BTBD8: variants seen among roughly 807,000 people sequenced by gnomAD.
BTBD8 encodes BTB domain containing 8.
Under a neutral mutation model 162.9 loss-of-function variants are expected in BTBD8, and 110 were observed. That is an observed-to-expected ratio of 0.68 (90% CI 0.58 to 0.79). BTBD8 has a LOEUF of 0.79. BTBD8 is among the 30% of genes least tolerant of loss of function. BTBD8 has a pLI of 0.00. For synonymous variants in BTBD8, 667 were observed against 716.1 expected (o/e 0.93, Z 1.10); for missense variants, 1,905 against 2,085.4 (o/e 0.91, Z 1.68).
At chr1:92,164,570 GA>G (rs1481910244) in intron 9 of BTBD8, among the ~76,000 whole-genome samples, 1 of 151,816 alleles carries the variant, frequency 6.6e-6, no homozygotes, top group Non-Finnish European at 1.5e-5. Flanking sequence ...AGTGAGCCGA[GA>G]TTGCACCACT....
Position 92,184,279 on chromosome 1 carries a change from T to C in BTBD8, c.5328T>C (p.Asp1776=), listed in dbSNP as rs1203630500. Residue 1776 remains aspartate (D), a synonymous_variant, in exon 18 of 18, where the codon GAT becomes GAC. Transcript: ENST00000636805. The part of the protein sequence containing the change: ...SITMASFSSE[D]CSPQGEWTIL... ...CCATGGCTAGTTTTTCCTCTGAAGA[T>C]TGTTCGCCTCAAGGCGAGTGGACAA... 6.4e-7 allele frequency: 1 copy of C among 1,551,596 alleles called. No homozygotes were observed. Among genetic ancestry groups the C allele is most frequent in the Admixed American group, 2.0e-5 (1 of 51,000 alleles).
intron 12 of BTBD8, 117 bp downstream of exon 12, chr1:92,169,112 G>A: frequency 1.0e-6 from 1 of 977,938 alleles, no homozygotes; most frequent in Non-Finnish European, 1.4e-6. Context: ...TTGGATAATA[G>A]GATAACTGAA....
At chr1:92,109,924 C>T (rs1035794110) in intron 4 of BTBD8, among the ~76,000 whole-genome samples, 3 of 152,134 alleles carry the variant, frequency 2.0e-5, no homozygotes, top group African/African-American at 7.2e-5. Context: ...AATACAAGTA[C>T]TTACAAAGGA....
At chr1:92,126,388 T>C (rs1649361143) in intron 4 of BTBD8, 8 of 718,386 alleles carry the variant, frequency 1.1e-5, no homozygotes, top group South Asian at 1.1e-4. Context: ...CAGCCTAGAT[T>C]TGAATGTGCT....
chr1:92,157,661 C>CT (rs201751217), intron 9 of BTBD8, among the ~76,000 whole-genome samples: 1,669 of 144,760 alleles, frequency 0.012, 22 homozygotes, highest in African/African-American at 0.035. Flanking sequence ...TCATCACTGG[C>CT]TTTTTTTTTT....
intron 4 of BTBD8, among the ~76,000 whole-genome samples, chr1:92,123,641 C>G (rs1235593369): frequency 6.6e-6 from 1 of 151,832 alleles, no homozygotes; most frequent in Non-Finnish European, 1.5e-5. Flanking sequence ...CATTATTACA[C>G]TAAATCATCT....
chr1:92,088,706 G>A lies in BTBD8; in HGVS notation c.158G>A (p.Arg53Lys), dbSNP rs1402084132. ...CTTTTTATTCCTTATAGGCTTCTAA[G>A]GGAAGAATTCCATACAGATGTTACC... ...QLSQDLLRLL[R>K]EEFHTDVTFS... The change falls in exon 2 of 18, where the codon AGG becomes AAG. Residue 53 changes from arginine (R) to lysine (K), a missense_variant. Transcript: ENST00000636805. 6.3e-7 allele frequency: 1 copy of A among 1,589,324 alleles called. No homozygotes were observed. The highest frequency in any genetic ancestry group is 8.6e-7 in the Non-Finnish European group (1 of 1,168,848).
At chr1:92,167,780 C>T in intron 10 of BTBD8, 68 bp from the exon 11 acceptor site, 1 of 1,278,688 alleles carries the variant, frequency 7.8e-7, no homozygotes, top group Admixed American at 2.2e-5. Flanking sequence ...ATCTGTTACG[C>T]CAGACTTTCA....
Position 92,166,982 on chromosome 1 carries a change from C to T in BTBD8, c.1147C>T (p.Leu383=), listed in dbSNP as rs1324262918. The T allele has an allele frequency of 2.6e-6, 4 of 1,546,312 alleles. No homozygotes were observed. In the South Asian group the frequency reaches 4.8e-5, roughly 19 times the overall value. ...SLNDKNAAFL[L]MESDRLIISL... ...GAATGATAAGAATGCTGCTTTTCTT[C>T]TGATGGAAAGTGACAGGCTAATCAT... The change falls in exon 10 of 18, where the codon CTG becomes TTG. Residue 383 remains leucine (L), a synonymous_variant. Coordinates refer to ENST00000636805, the MANE Select transcript of BTBD8 (RefSeq NM_001376131.1).
intron 4 of BTBD8, among the ~76,000 whole-genome samples, chr1:92,116,913 G>A (rs1457707891): frequency 2.0e-5 from 3 of 149,924 alleles, no homozygotes; most frequent in Admixed American, 1.3e-4. Flanking sequence ...GCAGTGATAC[G>A]ATCATAGCTT....
chr1:92,173,140 G>C (rs1650601068), intron 13 of BTBD8, among the ~76,000 whole-genome samples: 1 of 152,146 alleles, frequency 6.6e-6, no homozygotes, highest in Non-Finnish European at 1.5e-5. Context: ...GTTCAGGCTG[G>C]TCTCGAACTC....
At position 92,141,120 on chromosome 1, in the gene BTBD8, TACTC is replaced by T. The variant is rs762935549; in HGVS notation, c.841_844del (p.Leu281IlefsTer8). On this transcript the variant is annotated frameshift_variant, in exon 7 of 18. Coordinates refer to ENST00000636805, the MANE Select transcript of BTBD8 (RefSeq NM_001376131.1). LOFTEE classifies it high-confidence loss of function. The stretch of plus-strand genomic sequence containing the variant: ...TGCATCTATTTTTATTTTAGTCAGA[TACTC>T]AATATGGCTGATATGTATGGACTAG... The T allele has an allele frequency of 1.6e-5, 25 of 1,549,022 alleles. No individual in the cohort carries two copies. The highest frequency in any genetic ancestry group is 3.4e-4 in the Middle Eastern group (2 of 5,822).
At position 92,176,874 on chromosome 1, in the gene BTBD8, TGGAG is replaced by T. The variant is rs1029511020; in HGVS notation, c.1684_1687del (p.Arg562GlufsTer17). 2.0e-6 allele frequency: 3 copies of T among 1,479,182 alleles called. No homozygotes were observed. Among genetic ancestry groups the T allele is most frequent in the African/African-American group, 1.4e-5 (1 of 70,210 alleles). 91.6% of individuals were successfully genotyped at this position (1,479,182 alleles called of 1,614,324 possible). ...CTCTGGTGATATAAAAATCAAATCT[TGGAG>T]GGGAAATAACAAGAAAGAGTGTTGG... On this transcript the variant is annotated frameshift_variant, in exon 14 of 18. Transcript: ENST00000636805. LOFTEE classifies it high-confidence loss of function.
Position 92,080,700 on chromosome 1 carries a change from G to C in BTBD8, c.129G>C (p.Gln43His). 1.2e-6 allele frequency: 2 copies of C among 1,611,800 alleles called. No individual in the cohort carries two copies. Among genetic ancestry groups the C allele is most frequent in the South Asian group, 1.1e-5 (1 of 90,588 alleles). ...RRRLKATVSE[Q>H]LSQDLLRLLR... ...GGCTGAAGGCGACGGTGTCGGAGCA[G>C]CTCAGCCAGGATTTGCTCAGGTAGG... The change falls in exon 1 of 18, where the codon CAG (glutamine) becomes CAC (histidine). Residue 43 changes from glutamine (Q) to histidine (H), a missense_variant. Around this residue, in one of 3 missense-constraint regions of BTBD8, gnomAD observed 1,374 missense variants for 1,442.7 expected, o/e 0.95. Transcript: ENST00000636805.
At chr1:92,164,592 C>T (rs1416221191) in intron 9 of BTBD8, among the ~76,000 whole-genome samples, 2 of 151,626 alleles carry the variant, frequency 1.3e-5, no homozygotes, top group Non-Finnish European at 2.9e-5. Context: ...GCACCCCAGC[C>T]TGGGTGACAG....
In BTBD8 at chr1:92,151,046, A is replaced by G. The variant is rs952527204; in HGVS notation, c.1122+3260A>G. The stretch of plus-strand genomic sequence containing the variant: ...TAAGTGTAAGATATCAGCTGGTGAG[A>G]TACCACTACAAAAAGTAAATGTAAG... On this transcript the variant is annotated intron_variant, in intron 9 of 17. Transcript: ENST00000636805. 3.5e-4 allele frequency among the ~76,000 whole-genome samples: 54 copies of G among 152,258 alleles called. 1 individual carries two copies. The highest frequency in any genetic ancestry group is 2.0e-4 in the Admixed American group (3 of 15,288).
chr1:92,178,463 A>G lies in BTBD8; in HGVS notation c.2581+12A>G. 1 of 1,534,550 alleles carries G rather than the reference A, an allele frequency of 6.5e-7. No homozygotes were observed. Among genetic ancestry groups the G allele is most frequent in the Non-Finnish European group, 8.8e-7 (1 of 1,138,974 alleles). ...TACTAAAACTCAAGGTAAAGCTGAAATAGTACTGGATATCTTGAAATTATT... is the reference window on the plus strand; with the variant it reads ...TACTAAAACTCAAGGTAAAGCTGAAGTAGTACTGGATATCTTGAAATTATT... On this transcript the variant is annotated intron_variant, in intron 16 of 17. Coordinates refer to ENST00000636805, the MANE Select transcript of BTBD8 (RefSeq NM_001376131.1).
At chr1:92,123,130 C>T (rs546562469) in intron 4 of BTBD8, among the ~76,000 whole-genome samples, 17 of 152,226 alleles carry the variant, frequency 1.1e-4, no homozygotes, top group South Asian at 6.2e-4. Flanking sequence ...ATTATCTTAA[C>T]GCCCTCATGA....
At chr1:92,173,935 T>C (rs1285321662) in intron 13 of BTBD8, among the ~76,000 whole-genome samples, 1 of 151,814 alleles carries the variant, frequency 6.6e-6, no homozygotes, top group Non-Finnish European at 1.5e-5. Flanking sequence ...AAAGAGGTTT[T>C]TTGTTTGTTT....
Sources: gnomAD v4.1 joint callset for allele counts (sites outside exome capture counted in the v4.1 genomes callset) on GRCh38, gnomAD v4.1.1 for gene constraint, gnomAD v4.1.1 regional missense constraint, MANE v1.5 for transcripts, NCBI Gene and HGNC (gene_info 2026-07-23, HGNC 2026-07-21) for gene names.